Variants in MAGI1 observed in about 807,000 individuals in gnomAD.
The protein encoded by MAGI1 is membrane associated guanylate kinase, WW and PDZ domain containing 1, also known as membrane-associated guanylate kinase, WW and PDZ domain-containing protein 1.
A neutral mutation model predicts 139.9 loss-of-function variants in MAGI1; 58 were observed. The observed-to-expected ratio is 0.41, with a 90% CI of 0.34 to 0.52. MAGI1 has a LOEUF of 0.52. Ranked by LOEUF, MAGI1 falls within the 20% of genes least tolerant of loss-of-function variation. MAGI1 has a pLI of 0.12. For synonymous variants in MAGI1, 812 were observed against 737.9 expected, an observed-to-expected ratio of 1.10 and a Z score of -1.63; for missense variants, 1,874 against 1,901.6, an observed-to-expected ratio of 0.99 and a Z score of 0.27.
At chr3:66,019,451 C>T (rs2067847718) in intron 1 of MAGI1, among the ~76,000 whole-genome samples, 2 of 152,182 alleles carry the variant, frequency 1.3e-5, no homozygotes, top group South Asian at 4.1e-4. Context: ...CAGTTGAAAA[C>T]CACTGATCTT....
chr3:65,470,197 T>C, intron 5 of MAGI1, 86 bp downstream of exon 5: 1 of 871,038 alleles, frequency 1.1e-6, no homozygotes, highest in Non-Finnish European at 1.8e-6. Context: ...CCCTTAAATG[T>C]AATTTACATT....
At chr3:65,507,433 T>G (rs1256441886) in intron 2 of MAGI1, among the ~76,000 whole-genome samples, 1 of 152,226 alleles carries the variant, frequency 6.6e-6, no homozygotes, top group Non-Finnish European at 1.5e-5. Flanking sequence ...GAGGATTACA[T>G]GAGACAACAC....
At chr3:65,948,429 A>G (rs115364892) in intron 1 of MAGI1, among the ~76,000 whole-genome samples, 2,466 of 152,306 alleles carry the variant, frequency 0.016, 39 homozygotes, top group Non-Finnish European at 0.026. Flanking sequence ...CCTAAATAAA[A>G]AACCCAATAC....
intron 1 of MAGI1, among the ~76,000 whole-genome samples, chr3:65,945,782 T>C (rs912169099): frequency 6.6e-6 from 1 of 152,244 alleles, no homozygotes; most frequent in African/African-American, 2.4e-5. Context: ...GCTGTGATTC[T>C]GGGGACTACC....
At chr3:65,717,841 T>G (rs2032463016) in intron 1 of MAGI1, among the ~76,000 whole-genome samples, 1 of 152,156 alleles carries the variant, frequency 6.6e-6, no homozygotes, top group East Asian at 1.9e-4. Flanking sequence ...GTGCCCAAGC[T>G]TGGTCATCTG....
At chr3:65,667,854 G>A (rs547927579) in intron 1 of MAGI1, among the ~76,000 whole-genome samples, 47 of 152,168 alleles carry the variant, frequency 3.1e-4, no homozygotes, top group African/African-American at 5.3e-4. Flanking sequence ...ATGACCCACC[G>A]CACCCAGCCA....
intron 1 of MAGI1, among the ~76,000 whole-genome samples, chr3:66,012,519 C>G (rs777810726): frequency 1.1e-4 from 17 of 151,832 alleles, no homozygotes; most frequent in Middle Eastern, 6.4e-3. Flanking sequence ...AACAGACAAC[C>G]ATTTGGGAGC....
intron 14 of MAGI1, among the ~76,000 whole-genome samples, chr3:65,385,921 T>C (rs773092115): frequency 6.6e-6 from 1 of 152,208 alleles, no homozygotes; most frequent in Non-Finnish European, 1.5e-5. Flanking sequence ...TCAAGTTGTG[T>C]CTCCGTCTTT....
At chr3:65,900,413 AAG>A (rs1575930707) in intron 1 of MAGI1, among the ~76,000 whole-genome samples, 2 of 152,052 alleles carry the variant, frequency 1.3e-5, no homozygotes, top group East Asian at 4.0e-4. Flanking sequence ...CAAAAATTAA[AAG>A]AGTCATGTAT....
chr3:65,815,844 T>C (rs1236058203), intron 1 of MAGI1, among the ~76,000 whole-genome samples: 1 of 152,128 alleles, frequency 6.6e-6, no homozygotes, highest in Non-Finnish European at 1.5e-5. Flanking sequence ...AAGCCTGGAC[T>C]GGCTAAATAA....
chr3:66,000,913 C>G (rs2066706244), intron 1 of MAGI1, among the ~76,000 whole-genome samples: 1 of 152,176 alleles, frequency 6.6e-6, no homozygotes, highest in Non-Finnish European at 1.5e-5. Context: ...TTAGTCATCC[C>G]AATGACCCAG....
intron 1 of MAGI1, among the ~76,000 whole-genome samples, chr3:65,684,760 G>A (rs1464359163): frequency 1.3e-5 from 2 of 151,728 alleles, no homozygotes; most frequent in African/African-American, 4.8e-5. Flanking sequence ...AGAGTGCAGT[G>A]CCATGATCTC....
chr3:65,877,667 T>G (rs1052768366), intron 1 of MAGI1, among the ~76,000 whole-genome samples: 2 of 152,176 alleles, frequency 1.3e-5, no homozygotes, highest in South Asian at 4.1e-4. Flanking sequence ...GCAATTCTCC[T>G]GCCTAAGCCT....
intron 1 of MAGI1, among the ~76,000 whole-genome samples, chr3:65,630,267 C>T (rs895498592): frequency 2.0e-5 from 3 of 152,038 alleles, no homozygotes; most frequent in African/African-American, 4.8e-5. Context: ...TTAGGAAGGA[C>T]GAACAGACAT....
At chr3:65,761,545 T>C (rs1037211392) in intron 1 of MAGI1, among the ~76,000 whole-genome samples, 3 of 152,294 alleles carry the variant, frequency 2.0e-5, no homozygotes, top group East Asian at 3.9e-4. Context: ...AACGCTTTTA[T>C]GTCTGTCTCT....
chr3:66,009,591 T>C (rs4688259), intron 1 of MAGI1, among the ~76,000 whole-genome samples: 69,498 of 151,950 alleles, frequency 0.46, 17,208 homozygotes, highest in East Asian at 0.76. Context: ...CTTTCCAAGG[T>C]TCCTAAGAAT....
intron 1 of MAGI1, among the ~76,000 whole-genome samples, chr3:65,659,385 C>T (rs1284970214): frequency 6.6e-6 from 1 of 152,180 alleles, no homozygotes; most frequent in Non-Finnish European, 1.5e-5. Context: ...CTGGCTAATA[C>T]CAACTGGACC....
At chr3:65,965,993 T>G (rs1331010420) in intron 1 of MAGI1, among the ~76,000 whole-genome samples, 1 of 152,138 alleles carries the variant, frequency 6.6e-6, no homozygotes, top group Non-Finnish European at 1.5e-5. Flanking sequence ...GGGTTACTTC[T>G]CAGAGATAGA....
chr3:65,520,045 C>A (rs1234610195), intron 2 of MAGI1, among the ~76,000 whole-genome samples: 3 of 152,150 alleles, frequency 2.0e-5, no homozygotes, highest in Admixed American at 1.3e-4. Flanking sequence ...AAAGGAGGCT[C>A]CCAGCCAACA....
Sources: allele counts gnomAD v4.1 joint callset (sites outside exome capture counted in the v4.1 genomes callset), GRCh38; gene constraint gnomAD v4.1.1; transcripts MANE v1.5; gene names NCBI Gene and HGNC (gene_info 2026-07-23, HGNC 2026-07-21).